The following C8orf89 variants were observed in gnomAD, a reference collection of about 807,000 sequenced individuals.
C8orf89 encodes the protein chromosome 8 open reading frame 89.
C8orf89 carries 14 observed loss-of-function variants against 15.8 expected under a neutral mutation model. That is an observed-to-expected ratio of 0.89 (90% CI 0.59 to 1.39). C8orf89 has a LOEUF of 1.39. Ranked by LOEUF, C8orf89 falls within the 40% of genes most tolerant of loss-of-function variation. The pLI is 0.00. For synonymous variants in C8orf89, 55 were observed against 62.2 expected, an observed-to-expected ratio of 0.88 and a Z score of 0.54; for missense variants, 181 against 184.5, an observed-to-expected ratio of 0.98 and a Z score of 0.11.
At chr8:73,253,178 A>G (rs1220585670) in intron 2 of C8orf89, among the ~76,000 whole-genome samples, 1 of 152,242 alleles carries the variant, frequency 6.6e-6, no homozygotes, top group African/African-American at 2.4e-5. Context: ...TTCAACAAAT[A>G]TCTGAAGAAC....
upstream of C8orf89, among the ~76,000 whole-genome samples, chr8:73,261,268 T>G (rs1335311162): frequency 6.6e-6 from 1 of 152,074 alleles, no homozygotes; most frequent in Non-Finnish European, 1.5e-5. Context: ...TACAAGCACA[T>G]AAAAAGCATG....
rs1266315574 is a variant in C8orf89 at position 73,241,617 on chromosome 8, G to T, written c.338-12C>A. 2.6e-5 allele frequency: 38 copies of T among 1,482,480 alleles called. No homozygotes were observed. The highest frequency in any genetic ancestry group is 3.2e-5 in the Non-Finnish European group (36 of 1,121,140). 91.8% of individuals were successfully genotyped at this position (1,482,480 alleles called of 1,614,324 possible). On this transcript the variant is annotated splice_polypyrimidine_tract_variant and intron_variant, in intron 3 of 3. Transcript: ENST00000624510. ...ACTGAAGCCAGAACCTGGAGGAGGAGGTGGGGAGTCAGCTATTAAAATGAA... is the reference window on the plus strand; with the variant it reads ...ACTGAAGCCAGAACCTGGAGGAGGATGTGGGGAGTCAGCTATTAAAATGAA...
At chr8:73,267,157 G>A in the C8orf89 span, among the ~76,000 whole-genome samples, 1 of 152,136 alleles carries the variant, frequency 6.6e-6, no homozygotes, top group Non-Finnish European at 1.5e-5. Flanking sequence ...GCCTGAAACT[G>A]TGGATAGTAC....
At chr8:73,247,041 T>C (rs1199296020) in intron 3 of C8orf89, among the ~76,000 whole-genome samples, 2 of 152,234 alleles carry the variant, frequency 1.3e-5, no homozygotes, top group Non-Finnish European at 2.9e-5. Flanking sequence ...TTTAACTTTC[T>C]TTTTAACTTT....
intron 2 of C8orf89, among the ~76,000 whole-genome samples, chr8:73,252,193 C>T (rs1364840091): frequency 6.6e-6 from 1 of 152,072 alleles, no homozygotes; most frequent in Non-Finnish European, 1.5e-5. Context: ...ATGACAAAAG[C>T]TATATGTATG....
At chr8:73,272,502 C>T in the C8orf89 span, among the ~76,000 whole-genome samples, 10 of 151,832 alleles carry the variant, frequency 6.6e-5, no homozygotes, top group East Asian at 7.7e-4. Context: ...ATGTGCACAA[C>T]GTGCAGGTTT....
In C8orf89 at chr8:73,256,969, C is replaced by T. The variant is rs2130283951; in HGVS notation, c.281+4G>A. The T allele has an allele frequency of 1.3e-6, 2 of 1,530,118 alleles. No individual in the cohort carries two copies. Among genetic ancestry groups the T allele is most frequent in the South Asian group, 1.2e-5 (1 of 82,654 alleles). The allele number at this position is 1,530,118 out of a possible 1,614,324, so 94.8% of individuals were successfully genotyped here. A position where few individuals can be genotyped will look rare whatever the true frequency, so the allele number is the denominator to read the frequency against. Reference sequence around the variant, plus strand: ...CAAATGAGAATTAAATAGCAATGATCTACCTGACTGCAGACACCTCGGCAT... The same window carrying T: ...CAAATGAGAATTAAATAGCAATGATTTACCTGACTGCAGACACCTCGGCAT... On this transcript the variant is annotated splice_donor_region_variant and intron_variant, in intron 2 of 3. Coordinates refer to ENST00000624510, the MANE Select transcript of C8orf89 (RefSeq NM_001243237.3).
chr8:73,273,760 T>A, the C8orf89 span, among the ~76,000 whole-genome samples: 11 of 151,734 alleles, frequency 7.2e-5, no homozygotes, highest in African/African-American at 2.7e-4. Context: ...TTTTTTTTTT[T>A]TTTCTGAAAG....
chr8:73,280,468 T>G, the C8orf89 span, among the ~76,000 whole-genome samples: 1 of 152,110 alleles, frequency 6.6e-6, no homozygotes, highest in Non-Finnish European at 1.5e-5. Context: ...CCTCCCAGGT[T>G]CAAGCAGTTG....
intron 3 of C8orf89, among the ~76,000 whole-genome samples, chr8:73,246,787 A>T (rs1353506906): frequency 6.6e-6 from 1 of 152,204 alleles, no homozygotes; most frequent in Non-Finnish European, 1.5e-5. Context: ...TCCAAGGAAA[A>T]GTTCATGAAC....
chr8:73,261,782 G>GGGAAC (rs1563534826), upstream of C8orf89, among the ~76,000 whole-genome samples: 1 of 152,128 alleles, frequency 6.6e-6, no homozygotes, highest in Non-Finnish European at 1.5e-5. Context: ...GCAAAGGGAA[G>GGGAAC]GGGAGAATCC....
At chr8:73,276,526 GAAAC>G in the C8orf89 span, among the ~76,000 whole-genome samples, 1 of 152,026 alleles carries the variant, frequency 6.6e-6, no homozygotes, top group Admixed American at 6.6e-5. Context: ...TTATTCTAGA[GAAAC>G]AAATCTTTGA....
chr8:73,275,231 CTTTTTTTTTTTTTTTTT>C, the C8orf89 span, among the ~76,000 whole-genome samples: 1 of 84,744 alleles, frequency 1.2e-5, no homozygotes, highest in African/African-American at 5.0e-5. Flanking sequence ...TGTAATAGTT[CTTTTTTTTTTTTTTTTT>C]TTTTTTTTGA....
Position 73,259,364 on chromosome 8 carries a change from T to C in C8orf89, c.95A>G (p.Lys32Arg). The C allele has an allele frequency of 6.6e-7, 1 of 1,521,580 alleles. No individual in the cohort carries two copies. Among genetic ancestry groups the C allele is most frequent in the Non-Finnish European group, 8.8e-7 (1 of 1,134,596 alleles). The allele number at this position is 1,521,580 out of a possible 1,614,324, so 94.3% of individuals were successfully genotyped here. Residue 32 changes from lysine to arginine, a missense_variant, in exon 1 of 4, where the codon AAA becomes AGA. Transcript: ENST00000624510. Reference protein sequence around the residue: ...SCLIFESSWKKAVLETQKIKK... With the variant: ...SCLIFESSWKRAVLETQKIKK... ...AATCTTTTGTGTTTCTAAAACTGCT[T>C]TCTTCCAACTACTCTCAAAAATCAA...
the C8orf89 span, among the ~76,000 whole-genome samples, chr8:73,266,775 G>C: frequency 6.6e-6 from 1 of 151,664 alleles, no homozygotes; most frequent in East Asian, 1.9e-4. Flanking sequence ...CAGGCGCCCA[G>C]AAACAATCAT....
chr8:73,255,446 A>G (rs1275969527), intron 2 of C8orf89, among the ~76,000 whole-genome samples: 1 of 152,036 alleles, frequency 6.6e-6, no homozygotes, highest in Non-Finnish European at 1.5e-5. Flanking sequence ...TTAGAATGGC[A>G]ATCATTAAAA....
chr8:73,270,309 A>T, the C8orf89 span, among the ~76,000 whole-genome samples: 3 of 152,226 alleles, frequency 2.0e-5, no homozygotes, highest in African/African-American at 7.2e-5. Context: ...CCAGTTTTTC[A>T]AAGTCAGGTC....
chr8:73,277,793 G>A, the C8orf89 span: 1 of 733,216 alleles, frequency 1.4e-6, no homozygotes, highest in Non-Finnish European at 2.6e-6. Context: ...AGAGGAAACA[G>A]CCTGGCCTCC....
the C8orf89 span, among the ~76,000 whole-genome samples, chr8:73,279,854 A>G: frequency 6.6e-6 from 1 of 152,228 alleles, no homozygotes; most frequent in Non-Finnish European, 1.5e-5. Context: ...ACATACAAAG[A>G]TTACAGCTGA....
Sources: allele counts gnomAD v4.1 joint callset (sites outside exome capture counted in the v4.1 genomes callset), GRCh38; gene constraint gnomAD v4.1.1; transcripts MANE v1.5; gene names NCBI Gene and HGNC (gene_info 2026-07-23, HGNC 2026-07-21).